The following ZMAT4 variants were observed in gnomAD, a reference collection of about 807,000 sequenced individuals.
ZMAT4 encodes zinc finger matrin-type 4.
In ZMAT4, 17 loss-of-function variants were observed where a neutral mutation model predicts 28.7. The ratio of observed to expected loss-of-function variants is 0.59; its 90% confidence interval spans 0.41 to 0.89. The LOEUF is 0.89. Among genes scored for constraint, ZMAT4 ranks in the 40% least tolerant of loss-of-function variants. ZMAT4 has a pLI of 0.00. For synonymous variants in ZMAT4, 117 were observed against 109.2 expected (o/e 1.07, Z -0.44); for missense variants, 240 against 283.8 (o/e 0.85, Z 1.11).
intron 6 of ZMAT4, among the ~76,000 whole-genome samples, chr8:40,556,682 C>A (rs1803549737): frequency 6.6e-6 from 1 of 152,130 alleles, no homozygotes. Flanking sequence ...TGTGACTGCA[C>A]CACATGTAGA....
intron 1 of ZMAT4, among the ~76,000 whole-genome samples, chr8:40,844,144 T>C (rs1370359872): frequency 6.6e-6 from 1 of 152,210 alleles, no homozygotes; most frequent in Non-Finnish European, 1.5e-5. Context: ...ATTGTTTTTT[T>C]CTAAAGAAAG....
At chr8:40,808,405 A>C (rs538679463) in intron 2 of ZMAT4, 1 of 328,070 alleles carries the variant, frequency 3.0e-6, no homozygotes, top group South Asian at 2.4e-5. Context: ...AAAAGACAGC[A>C]TATTTTGGCT....
chr8:40,639,459 G>A (rs16889787), intron 5 of ZMAT4, among the ~76,000 whole-genome samples: 83,730 of 151,882 alleles, frequency 0.55, 24,034 homozygotes, highest in East Asian at 0.69. Context: ...GAATTACTAC[G>A]ACTCTTGGCC....
At chr8:40,693,036 G>A (rs574776927) in intron 4 of ZMAT4, among the ~76,000 whole-genome samples, 3 of 152,214 alleles carry the variant, frequency 2.0e-5, no homozygotes, top group South Asian at 4.2e-4. Flanking sequence ...TTTGGAAATA[G>A]GTTTTTTGCA....
At chr8:40,659,889 A>G (rs1808109730) in intron 5 of ZMAT4, among the ~76,000 whole-genome samples, 1 of 152,204 alleles carries the variant, frequency 6.6e-6, no homozygotes, top group African/African-American at 2.4e-5. Flanking sequence ...AGGACTTTGT[A>G]AAACTATACT....
intron 6 of ZMAT4, among the ~76,000 whole-genome samples, chr8:40,569,718 C>A (rs1804031903): frequency 6.6e-6 from 1 of 152,196 alleles, no homozygotes; most frequent in Non-Finnish European, 1.5e-5. Context: ...GCCACCTGAA[C>A]AGCCCTATTG....
At chr8:40,745,439 A>G (rs1425720562) in intron 3 of ZMAT4, among the ~76,000 whole-genome samples, 4 of 152,210 alleles carry the variant, frequency 2.6e-5, no homozygotes, top group Non-Finnish European at 5.9e-5. Context: ...AGAAAACTGC[A>G]TTTTCCAGAA....
At chr8:40,706,470 G>T (rs1295246600) in intron 3 of ZMAT4, among the ~76,000 whole-genome samples, 1 of 152,186 alleles carries the variant, frequency 6.6e-6, no homozygotes. Flanking sequence ...AAGCTCAGAG[G>T]GTTTAAATAA....
intron 2 of ZMAT4, chr8:40,786,642 T>A: frequency 8.2e-7 from 1 of 1,221,762 alleles, no homozygotes. Flanking sequence ...TCTGTGAACA[T>A]CCATTCATTA....
At chr8:40,886,695 G>C (rs1028849623) in intron 1 of ZMAT4, among the ~76,000 whole-genome samples, 2 of 152,134 alleles carry the variant, frequency 1.3e-5, no homozygotes, top group East Asian at 3.9e-4. Flanking sequence ...CCGAATTTCT[G>C]AACATCCCTC....
At chr8:40,606,843 T>C (rs978830715) in intron 5 of ZMAT4, among the ~76,000 whole-genome samples, 1 of 152,184 alleles carries the variant, frequency 6.6e-6, no homozygotes, top group Admixed American at 6.5e-5. Flanking sequence ...CACCAATAAT[T>C]CTTATGTTTG....
intron 1 of ZMAT4, among the ~76,000 whole-genome samples, chr8:40,896,952 T>C (rs1818898878): frequency 6.7e-6 from 1 of 150,210 alleles, no homozygotes; most frequent in South Asian, 2.1e-4. Flanking sequence ...CCGAACTCTC[T>C]ATCCCGTTTT....
intron 1 of ZMAT4, among the ~76,000 whole-genome samples, chr8:40,871,080 G>A (rs1817839164): frequency 6.6e-6 from 1 of 152,232 alleles, no homozygotes; most frequent in South Asian, 2.1e-4. Flanking sequence ...CATCCCCAAA[G>A]GAAAGGGCTA....
intron 2 of ZMAT4, among the ~76,000 whole-genome samples, chr8:40,805,935 A>T (rs924249589): frequency 6.6e-6 from 1 of 152,136 alleles, no homozygotes; most frequent in Non-Finnish European, 1.5e-5. Flanking sequence ...AACTTAAAGT[A>T]TAATTAAAAA....
intron 5 of ZMAT4, among the ~76,000 whole-genome samples, chr8:40,643,321 TGGA>T (rs1807137741): frequency 6.6e-6 from 1 of 152,340 alleles, no homozygotes; most frequent in Admixed American, 6.5e-5. Context: ...CTTTCCATTG[TGGA>T]GGAGATGTCT....
intron 5 of ZMAT4, among the ~76,000 whole-genome samples, chr8:40,595,858 C>T (rs1326176474): frequency 6.6e-6 from 1 of 151,984 alleles, no homozygotes; most frequent in East Asian, 1.9e-4. Flanking sequence ...CCGAGGCAGG[C>T]AGATCACCTA....
At chr8:40,792,169 T>C (rs565056947) in intron 2 of ZMAT4, among the ~76,000 whole-genome samples, 67 of 152,294 alleles carry the variant, frequency 4.4e-4, no homozygotes, top group Non-Finnish European at 8.2e-4. Flanking sequence ...GTGAGCTATA[T>C]ACTGTGAGCA....
chr8:40,835,986 T>C (rs1816466722), intron 1 of ZMAT4, among the ~76,000 whole-genome samples: 1 of 152,204 alleles, frequency 6.6e-6, no homozygotes, highest in Non-Finnish European at 1.5e-5. Flanking sequence ...GATACAGGAA[T>C]TTAAATGTTG....
chr8:40,701,506 A>AT (rs58912869), intron 3 of ZMAT4, among the ~76,000 whole-genome samples: 1,174 of 73,968 alleles, frequency 0.016, 112 homozygotes, highest in African/African-American at 0.019. Flanking sequence ...ACTATGCAGA[A>AT]TTTTTTTTTT....
Sources: gnomAD v4.1 joint callset for allele counts (sites outside exome capture counted in the v4.1 genomes callset) on GRCh38, gnomAD v4.1.1 for gene constraint, MANE v1.5 for transcripts, NCBI Gene and HGNC (gene_info 2026-07-23, HGNC 2026-07-21) for gene names.